The following SOWAHB variants were observed in gnomAD, a reference collection of about 807,000 sequenced individuals.
SOWAHB encodes sosondowah ankyrin repeat domain family member B, also known as ankyrin repeat domain-containing protein SOWAHB.
Under a neutral mutation model 18.3 loss-of-function variants are expected in SOWAHB, and 17 were observed. The observed-to-expected ratio is 0.93, with a 90% CI of 0.64 to 1.40. SOWAHB has a LOEUF of 1.40. SOWAHB is among the 40% of genes most tolerant of loss of function. The pLI is 0.00. For missense variants in SOWAHB, 1,126 were observed against 1,033.7 expected, an observed-to-expected ratio of 1.09 and a Z score of -1.22; for synonymous variants, 496 against 448.1, an observed-to-expected ratio of 1.11 and a Z score of -1.35.
At position 76,896,839 on chromosome 4, in the gene SOWAHB, C is replaced by G; in HGVS notation, c.1011G>C (p.Gln337His). 1.2e-6 allele frequency: 2 copies of G among 1,613,786 alleles called. No individual in the cohort carries two copies. The highest frequency in any genetic ancestry group is 2.2e-5 in the South Asian group (2 of 91,090). The part of the protein sequence containing the change: ...AWSVLPDNFL[Q>H]LPLEPGSTEP... ...CCGTGGAGCCGGGTTCCAAGGGCAG[C>G]TGGAGGAAGTTGTCTGGCAGCACCG... is the stretch of plus-strand genomic sequence containing the variant. Residue 337 changes from glutamine to histidine, a missense_variant, in exon 1 of 1, where the codon CAG (glutamine) becomes CAC (histidine). Physicochemically the swap from Gln to His is conservative, Grantham distance 24. Coordinates refer to ENST00000334306, the MANE Select transcript of SOWAHB (RefSeq NM_001029870.3).
Position 76,895,642 on chromosome 4 carries a change from G to A in SOWAHB, c.2208C>T (p.Pro736=). The A allele has an allele frequency of 6.2e-7, 1 of 1,614,234 alleles. No homozygotes were observed. Among genetic ancestry groups the A allele is most frequent in the Non-Finnish European group, 8.5e-7 (1 of 1,180,036 alleles). The change falls in exon 1 of 1, where the codon CCC becomes CCT. Residue 736 remains proline, a synonymous_variant. Transcript: ENST00000334306. ...TGGTAGGGGAAGAACTTCCAACTAA[G>A]GGATAGACAGGGAAAATGGGCTTGC... ...PRGKPIFPVY[P]LVGSSSPTRK... is the part of the protein sequence containing the mutation.
chr4:76,896,604 G>A lies in SOWAHB; in HGVS notation c.1246C>T (p.Pro416Ser). 6.2e-7 allele frequency: 1 copy of A among 1,613,850 alleles called. No homozygotes were observed. The highest frequency in any genetic ancestry group is 8.5e-7 in the Non-Finnish European group (1 of 1,180,024). ...TGCAGCCCCTCTTCAGAAGCCCCCG[G>A]GGAGTCTTTGGGCCCACTGCTGCTC... ...EESSSGPKDS[P>S]GASEEGLQVV... The change falls in exon 1 of 1, where the codon CCG becomes TCG. Residue 416 changes from proline (P) to serine (S), a missense_variant. By Grantham distance (74) the Pro-to-Ser change is moderately conservative. Transcript: ENST00000334306.
chr4:76,896,450 G>A lies in SOWAHB; in HGVS notation c.1400C>T (p.Ser467Phe). Residue 467 changes from serine (S) to phenylalanine (F), a missense_variant, in exon 1 of 1, where the codon TCT becomes TTT. Transcript: ENST00000334306. Reference sequence around the variant, plus strand: ...ATTAGCCCCTGCAGGGACCTGCTGAGAGATGTGACCATCCCCTCTGTTTCT... The same window carrying A: ...ATTAGCCCCTGCAGGGACCTGCTGAAAGATGTGACCATCCCCTCTGTTTCT... ...GLRNRGDGHISQQVPAGANGL... is the reference protein window; with the variant it reads ...GLRNRGDGHIFQQVPAGANGL... 1.2e-6 allele frequency: 2 copies of A among 1,612,520 alleles called. No homozygotes were observed. The highest frequency in any genetic ancestry group is 1.7e-6 in the Non-Finnish European group (2 of 1,179,646).
Position 76,895,692 on chromosome 4 carries a change from A to T in SOWAHB, c.2158T>A (p.Trp720Arg). The T allele has an allele frequency of 6.2e-7, 1 of 1,614,252 alleles. No individual in the cohort carries two copies. Among genetic ancestry groups the T allele is most frequent in the East Asian group, 2.2e-5 (1 of 44,886 alleles). Residue 720 changes from tryptophan to arginine, a missense_variant, in exon 1 of 1, where the codon TGG (tryptophan) becomes AGG (arginine). Transcript: ENST00000334306. ...CCCCGAGGAGCTCCCAACAGCTGCC[A>T]TATTTCCCCAGAGGTATTACTGGTT... ...YLTSNTSGEIWQLLGAPRGKP... is the reference protein window; with the variant it reads ...YLTSNTSGEIRQLLGAPRGKP...
rs1302761562 is a variant in SOWAHB, at chr4:76,895,928, T to C, written c.1922A>G (p.His641Arg). 5.6e-6 allele frequency: 9 copies of C among 1,614,022 alleles called. No individual in the cohort carries two copies. The highest frequency in any genetic ancestry group is 2.2e-5 in the East Asian group (1 of 44,898). ...GTCCTGAAGGGCCCTGAGGTCACCA[T>C]GTTTGGCTATCCAGTGCAACGCAGT... Reference protein sequence around the residue: ...GYTALHWIAKHGDLRALQDLV... With the variant: ...GYTALHWIAKRGDLRALQDLV... The change falls in exon 1 of 1, where the codon CAT (histidine) becomes CGT (arginine). Residue 641 changes from histidine (H) to arginine (R), a missense_variant. Transcript: ENST00000334306.
In SOWAHB at chr4:76,895,946, A is replaced by G. The variant is rs1325933572; in HGVS notation, c.1904T>C (p.Leu635Ser). ...GTCACCATGTTTGGCTATCCAGTGC[A>G]ACGCAGTGTACCCAGTCAAAAAGTC... The part of the protein sequence containing the change: ...HKDFLTGYTA[L>S]HWIAKHGDLR... Residue 635 changes from leucine to serine, a missense_variant, in exon 1 of 1, where the codon TTG becomes TCG. By Grantham distance (145) the Leu-to-Ser change is moderately radical. Transcript: ENST00000334306. The G allele has an allele frequency of 6.2e-7, 1 of 1,614,186 alleles. No homozygotes were observed. The highest frequency in any genetic ancestry group is 1.1e-5 in the South Asian group (1 of 91,090).
rs1182076601 is a variant in SOWAHB, at chr4:76,897,090, C to A, written c.760G>T (p.Ala254Ser). Reference sequence around the variant, plus strand: ...GTGGCGGGAGGCGAGTGAGCCACTGCAGGCACAGGCGCCGGCTCAGCTAGC... The same window carrying A: ...GTGGCGGGAGGCGAGTGAGCCACTGAAGGCACAGGCGCCGGCTCAGCTAGC... ...GALAEPAPVPAVAHSPPATVE... is the reference protein window; with the variant it reads ...GALAEPAPVPSVAHSPPATVE... The change falls in exon 1 of 1, where the codon GCA becomes TCA. Residue 254 changes from alanine to serine, a missense_variant. Coordinates refer to ENST00000334306, the MANE Select transcript of SOWAHB (RefSeq NM_001029870.3). The surrounding 1 kb of genome is among the most constrained non-coding windows in gnomAD (Gnocchi z 6.4). 3 of 1,537,460 alleles carry A rather than the reference C, an allele frequency of 2.0e-6. No individual in the cohort carries two copies. The East Asian group carries it at 7.3e-5, about 37-fold the overall frequency.
Position 76,895,614 on chromosome 4 carries a change from T to C in SOWAHB, c.2236A>G (p.Lys746Glu). The C allele has an allele frequency of 6.2e-7, 1 of 1,614,222 alleles. No individual in the cohort carries two copies. The highest frequency in any genetic ancestry group is 8.5e-7 in the Non-Finnish European group (1 of 1,180,026). The change falls in exon 1 of 1, where the codon AAG (lysine) becomes GAG (glutamate). Residue 746 changes from lysine (K) to glutamate (E), a missense_variant. Transcript: ENST00000334306. ...CTAGATATTTCCTTGCTCTTGGCCTTTCTGGTAGGGGAAGAACTTCCAACT... is the reference window on the plus strand; with the variant it reads ...CTAGATATTTCCTTGCTCTTGGCCTCTCTGGTAGGGGAAGAACTTCCAACT... Reference protein sequence around the residue: ...PLVGSSSPTRKAKSKEISRSV... With the variant: ...PLVGSSSPTREAKSKEISRSV...
chr4:76,897,190 G>T lies in SOWAHB; in HGVS notation c.660C>A (p.Thr220=), dbSNP rs769737922. 9 of 1,578,472 alleles carry T rather than the reference G, an allele frequency of 5.7e-6. No homozygotes were observed. The highest frequency in any genetic ancestry group is 7.7e-6 in the Non-Finnish European group (9 of 1,170,784). The change falls in exon 1 of 1, where the codon ACC becomes ACA. Residue 220 remains threonine, a synonymous_variant. Coordinates refer to ENST00000334306, the MANE Select transcript of SOWAHB (RefSeq NM_001029870.3). The surrounding 1 kb of genome is among the most constrained non-coding windows in gnomAD (Gnocchi z 6.4). ...GELGALPHSA[T]AEEKPARALP... ...GAGCCCGTGCCGGCTTCTCCTCCGC[G>T]GTGGCCGAGTGCGGGAGTGCGCCGA...
Position 76,894,697 on chromosome 4 carries a change from T to C in SOWAHB, c.*771A>G, listed in dbSNP as rs1719869475. ...CACTATGTAAATGAGCCACATGGTT[T>C]TTACATTTGGAAAGTTCCCTTCGGG... On this transcript the variant is annotated 3_prime_UTR_variant, in exon 1 of 1. Transcript: ENST00000334306. 6.6e-6 allele frequency among the ~76,000 whole-genome samples: 1 copy of C among 152,190 alleles called. No individual in the cohort carries two copies. The highest frequency in any genetic ancestry group is 1.5e-5 in the Non-Finnish European group (1 of 68,042).
rs1368770358 is a variant in SOWAHB at position 76,896,190 on chromosome 4, C to T, written c.1660G>A (p.Val554Ile). The change falls in exon 1 of 1, where the codon GTT becomes ATT. Residue 554 changes from valine (V) to isoleucine (I), a missense_variant. Physicochemically the swap from Val to Ile is conservative, Grantham distance 29. Coordinates refer to ENST00000334306, the MANE Select transcript of SOWAHB (RefSeq NM_001029870.3). ...DAGLSLKLAE[V>I]KAVVAERGWR... ...CCCCGCTCGGCCACAACAGCCTTAA[C>T]CTCTGCAAGTTTTAGTGATAAACCT... 2.6e-6 allele frequency: 4 copies of T among 1,560,934 alleles called. No homozygotes were observed. The highest frequency in any genetic ancestry group is 1.9e-5 in the Admixed American group (1 of 52,694).
At position 76,895,958 on chromosome 4, in the gene SOWAHB, C is replaced by T. The variant is rs1050306818; in HGVS notation, c.1892G>A (p.Gly631Glu). 1.2e-6 allele frequency: 2 copies of T among 1,614,106 alleles called. No homozygotes were observed. The highest frequency in any genetic ancestry group is 1.7e-5 in the Admixed American group (1 of 60,016). ...QLALHKDFLT[G>E]YTALHWIAKH... ...GGCTATCCAGTGCAACGCAGTGTAC[C>T]CAGTCAAAAAGTCTTTGTGCAAGGC... Residue 631 changes from glycine (G) to glutamate (E), a missense_variant, in exon 1 of 1, where the codon GGG becomes GAG. Gly to Glu is a moderately conservative substitution (Grantham distance 98). Coordinates refer to ENST00000334306, the MANE Select transcript of SOWAHB (RefSeq NM_001029870.3).
rs1719977946 is a variant in SOWAHB at position 76,898,006 on chromosome 4, A to G, written c.-157T>C. 4 of 781,462 alleles carry G rather than the reference A, an allele frequency of 5.1e-6. No homozygotes were observed. The South Asian group carries it at 7.4e-5, about 15-fold the overall frequency. The allele number at this position is 781,462 out of a possible 1,614,324, so 48.4% of individuals were successfully genotyped here. On this transcript the variant is annotated 5_prime_UTR_variant, in exon 1 of 1. Transcript: ENST00000334306. The stretch of plus-strand genomic sequence containing the variant: ...AGGCCAGCGCTGCCCGCAGCCCGTG[A>G]GCGCGCCAGGAGGGCCGTGGGTCCC...
chr4:76,896,624 C>A lies in SOWAHB; in HGVS notation c.1226G>T (p.Ser409Ile). Residue 409 changes from serine (S) to isoleucine (I), a missense_variant, in exon 1 of 1, where the codon AGC (serine) becomes ATC (isoleucine). By Grantham distance (142) the Ser-to-Ile change is moderately radical. Transcript: ENST00000334306. ...DQESDGSEES[S>I]SGPKDSPGAS... Reference sequence around the variant, plus strand: ...CCCCGGGGAGTCTTTGGGCCCACTGCTGCTCTCCTCACTGCCATCACTCTC... The same window carrying A: ...CCCCGGGGAGTCTTTGGGCCCACTGATGCTCTCCTCACTGCCATCACTCTC... The A allele has an allele frequency of 6.2e-7, 1 of 1,614,040 alleles. No individual in the cohort carries two copies.
Position 76,895,518 on chromosome 4 carries a change from G to A in SOWAHB, c.2332C>T (p.Gln778Ter), listed in dbSNP as rs774147465. 11 of 1,613,770 alleles carry A rather than the reference G, an allele frequency of 6.8e-6. No homozygotes were observed. The South Asian group carries it at 1.1e-4, about 16-fold the overall frequency. Residue 778 changes from glutamine (Q) to a stop codon, truncating the protein, a stop_gained, in exon 1 of 1, where the codon CAG becomes TAG. Transcript: ENST00000334306. LOFTEE classifies it high-confidence loss of function. ...SQHNKWKLAN[Q>*]YEKFHSPRER... Reference sequence around the variant, plus strand: ...CTTGGACTGTGGAATTTCTCATACTGGTTGGCCAGTTTCCACTTGTTGTGC... The same window carrying A: ...CTTGGACTGTGGAATTTCTCATACTAGTTGGCCAGTTTCCACTTGTTGTGC...
rs771591273 is a variant in SOWAHB at position 76,896,706 on chromosome 4, A to T, written c.1144T>A (p.Phe382Ile). The T allele has an allele frequency of 4.3e-6, 7 of 1,614,044 alleles. No homozygotes were observed. Among genetic ancestry groups the T allele is most frequent in the Non-Finnish European group, 5.9e-6 (7 of 1,180,020 alleles). The change falls in exon 1 of 1, where the codon TTT (phenylalanine) becomes ATT (isoleucine). Residue 382 changes from phenylalanine (F) to isoleucine (I), a missense_variant. Physicochemically the swap from Phe to Ile is conservative, Grantham distance 21. Transcript: ENST00000334306. ...SWAGNPSLTV[F>I]RSIRCQLSLQ... is the part of the protein sequence containing the mutation. ...GACAGCTGACAACGAATGCTGCGAA[A>T]GACAGTCAATGAAGGGTTCCCCGCC...
Position 76,895,010 on chromosome 4 carries a change from A to T in SOWAHB, c.*458T>A, listed in dbSNP as rs1719876368. 1 of 153,880 alleles carries T rather than the reference A, an allele frequency of 6.5e-6. No individual in the cohort carries two copies. Among genetic ancestry groups the T allele is most frequent in the African/African-American group, 2.4e-5 (1 of 41,526 alleles). The allele number at this position is 153,880 out of a possible 1,614,324, so 9.5% of individuals were successfully genotyped here. ...TCTGATTTCAAACCTGGTGCTTCCC[A>T]CTGTCAGCCAAGATTTATTCTTCAA... On this transcript the variant is annotated 3_prime_UTR_variant, in exon 1 of 1. Coordinates refer to ENST00000334306, the MANE Select transcript of SOWAHB (RefSeq NM_001029870.3).
rs1719905763 is a variant in SOWAHB, at chr4:76,896,191, C to G, written c.1659G>C (p.Glu553Asp). Residue 553 changes from glutamate to aspartate, a missense_variant, in exon 1 of 1, where the codon GAG becomes GAC. Transcript: ENST00000334306. Reference sequence around the variant, plus strand: ...CCCGCTCGGCCACAACAGCCTTAACCTCTGCAAGTTTTAGTGATAAACCTG... The same window carrying G: ...CCCGCTCGGCCACAACAGCCTTAACGTCTGCAAGTTTTAGTGATAAACCTG... ...VDAGLSLKLA[E>D]VKAVVAERGW... 1 of 1,561,090 alleles carries G rather than the reference C, an allele frequency of 6.4e-7. No individual in the cohort carries two copies. The highest frequency in any genetic ancestry group is 8.7e-7 in the Non-Finnish European group (1 of 1,152,890).
rs1719931367 is a variant in SOWAHB, at chr4:76,896,866, C to T, written c.984G>A (p.Trp328Ter). Residue 328 changes from tryptophan (W) to a stop codon, truncating the protein, a stop_gained, in exon 1 of 1, where the codon TGG becomes TGA. Coordinates refer to ENST00000334306, the MANE Select transcript of SOWAHB (RefSeq NM_001029870.3). LOFTEE classifies it low-confidence loss of function (END_TRUNC). ...GGAGGAAGTTGTCTGGCAGCACCGA[C>T]CAGGCGCGGATAGGGCCCTGATCAC... ...EARDQGPIRA[W>*]SVLPDNFLQL... is the part of the protein sequence containing the mutation. The T allele has an allele frequency of 6.2e-7, 1 of 1,613,456 alleles. No individual in the cohort carries two copies. The highest frequency in any genetic ancestry group is 1.3e-5 in the African/African-American group (1 of 74,948).
Sources: gnomAD v4.1 joint callset for allele counts (sites outside exome capture counted in the v4.1 genomes callset) on GRCh38, gnomAD v4.1.1 for gene constraint, Gnocchi (gnomAD v3.1) non-coding constraint, MANE v1.5 for transcripts, NCBI Gene and HGNC (gene_info 2026-07-23, HGNC 2026-07-21) for gene names.